The following UGT3A1 variants were observed in gnomAD, a reference collection of about 807,000 sequenced individuals.
UGT3A1 encodes the protein UDP glycosyltransferase family 3 member A1, also known as UDP-glycosyltransferase 3A1.
A neutral mutation model predicts 37.6 loss-of-function variants in UGT3A1; 40 were observed. That is an observed-to-expected ratio of 1.06 (90% confidence interval 0.83 to 1.38). The LOEUF is 1.38. Ranked by LOEUF, UGT3A1 falls within the 40% of genes most tolerant of loss-of-function variation. The pLI is 0.00. For synonymous variants in UGT3A1, 256 were observed against 232.3 expected, an observed-to-expected ratio of 1.10 and a Z score of -0.93; for missense variants, 642 against 634.2, an observed-to-expected ratio of 1.01 and a Z score of -0.13.
At chr5:35,970,028 C>A (rs1423585164) in intron 2 of UGT3A1, among the ~76,000 whole-genome samples, 1 of 152,104 alleles carries the variant, frequency 6.6e-6, no homozygotes, top group East Asian at 1.9e-4. Context: ...AGGAGCAAGT[C>A]ATGTCTTACA....
In UGT3A1 at chr5:35,980,586, C is replaced by G. The variant is rs140408432; in HGVS notation, c.196+7864G>C. On this transcript the variant is annotated intron_variant, in intron 2 of 6. Coordinates refer to ENST00000274278, the MANE Select transcript of UGT3A1 (RefSeq NM_152404.4). ...AGAAATAATCAAGTAGAATAATACC[C>G]AGACATCATACAAGGCCTCTCTCCA... Among the ~76,000 whole-genome samples, 823 of 152,286 alleles carry G rather than the reference C, an allele frequency of 5.4e-3. 11 individuals carry two copies. The highest frequency in any genetic ancestry group is 0.019 in the African/African-American group (783 of 41,554).
At chr5:35,983,098 TAA>T (rs1289762087) in intron 2 of UGT3A1, among the ~76,000 whole-genome samples, 1 of 151,910 alleles carries the variant, frequency 6.6e-6, no homozygotes, top group Non-Finnish European at 1.5e-5. Context: ...CTTTTCTTCA[TAA>T]ATTACGCAGT....
chr5:36,000,602 C>T (rs891526228), intron 1 of UGT3A1, among the ~76,000 whole-genome samples: 2 of 152,166 alleles, frequency 1.3e-5, no homozygotes, highest in African/African-American at 4.8e-5. Context: ...CTCCAGTTTA[C>T]TAAACATCAA....
chr5:35,999,451 A>T (rs142816593), intron 1 of UGT3A1, among the ~76,000 whole-genome samples: 20 of 152,304 alleles, frequency 1.3e-4, no homozygotes, highest in Non-Finnish European at 2.5e-4. Context: ...ACTTAAAAAC[A>T]TGTTGAAAGA....
upstream of UGT3A1, chr5:35,991,606 C>G (rs886412982): frequency 8.8e-6 from 9 of 1,022,354 alleles, no homozygotes; most frequent in Middle Eastern, 4.8e-4. Context: ...AATGAAGGCT[C>G]CATCCCCAAG....
At chr5:35,984,155 G>A (rs1369360880) in intron 2 of UGT3A1, among the ~76,000 whole-genome samples, 1 of 152,116 alleles carries the variant, frequency 6.6e-6, no homozygotes, top group Non-Finnish European at 1.5e-5. Context: ...AAAAAACCTA[G>A]AGACCCTAGC....
intron 2 of UGT3A1, 131 bp from the exon 3 acceptor site, chr5:35,968,264 G>C: frequency 3.3e-6 from 2 of 613,572 alleles, no homozygotes; most frequent in Middle Eastern, 9.0e-4. Context: ...ATGTTGATTT[G>C]GTTTTGTTTT....
chr5:35,970,252 C>T (rs184319843), intron 2 of UGT3A1, among the ~76,000 whole-genome samples: 5 of 152,142 alleles, frequency 3.3e-5, no homozygotes, highest in Admixed American at 2.0e-4. Flanking sequence ...ATTAGCCAGG[C>T]GTGGTGGCAC....
chr5:35,954,688 C>A, intron 6 of UGT3A1: 2 of 588,044 alleles, frequency 3.4e-6, no homozygotes, highest in Non-Finnish European at 6.0e-6. Context: ...ATACAAAGAC[C>A]AATGATTAAT....
At chr5:35,963,796 C>T (rs1739685165) in intron 4 of UGT3A1, among the ~76,000 whole-genome samples, 1 of 152,176 alleles carries the variant, frequency 6.6e-6, no homozygotes, top group Non-Finnish European at 1.5e-5. Context: ...GCTGTGGACA[C>T]AGCCAGGTAC....
intron 4 of UGT3A1, among the ~76,000 whole-genome samples, chr5:35,963,423 T>A (rs1000869644): frequency 2.0e-5 from 3 of 152,126 alleles, no homozygotes; most frequent in Admixed American, 6.5e-5. Flanking sequence ...GTTTAGATTG[T>A]CTCAAATGGG....
At chr5:35,978,160 G>C (rs903139499) in intron 2 of UGT3A1, among the ~76,000 whole-genome samples, 8 of 152,102 alleles carry the variant, frequency 5.3e-5, no homozygotes, top group African/African-American at 1.9e-4. Flanking sequence ...TCTGCCTCTT[G>C]AGTAGCTGGG....
intron 1 of UGT3A1, chr5:36,000,924 A>G (rs73076190): frequency 5.6e-4 from 86 of 152,310 alleles, no homozygotes; most frequent in African/African-American, 1.8e-3. Context: ...CTGTTTCTAT[A>G]ATGGGCTCAG....
At chr5:35,986,572 T>C (rs1740736071) in intron 2 of UGT3A1, among the ~76,000 whole-genome samples, 1 of 152,004 alleles carries the variant, frequency 6.6e-6, no homozygotes, top group South Asian at 2.1e-4. Context: ...AAGCCAAGCA[T>C]AGAAAGAAAA....
intron 2 of UGT3A1, among the ~76,000 whole-genome samples, chr5:35,974,920 A>G (rs1740201378): frequency 6.6e-6 from 1 of 152,214 alleles, no homozygotes; most frequent in Non-Finnish European, 1.5e-5. Flanking sequence ...CCTATGGCCA[A>G]TGGTTTGGCT....
rs1739205633 is a variant in UGT3A1, at chr5:35,951,826, T to A, written c.*2376A>T. 6.6e-6 allele frequency: 1 copy of A among 152,218 alleles called. No individual in the cohort carries two copies. The highest frequency in any genetic ancestry group is 2.4e-5 in the African/African-American group (1 of 41,446). 9.4% of individuals were successfully genotyped at this position (152,218 alleles called of 1,614,324 possible). A position where few individuals can be genotyped will look rare whatever the true frequency, so the allele number is the denominator to read the frequency against. On this transcript the variant is annotated 3_prime_UTR_variant, in exon 7 of 7. Transcript: ENST00000274278. ...AGACTCAGCATGGTATCATTTTTTG[T>A]ACCTAGATATCTGGTGTATAGGAAT... is the stretch of plus-strand genomic sequence containing the variant.
intron 2 of UGT3A1, among the ~76,000 whole-genome samples, chr5:35,977,993 T>C (rs1388459483): frequency 6.6e-6 from 1 of 152,232 alleles, no homozygotes; most frequent in Non-Finnish European, 1.5e-5. Context: ...TTCACAAGTA[T>C]ATACATATGT....
At chr5:35,959,062 G>A (rs1364243320) in intron 4 of UGT3A1, among the ~76,000 whole-genome samples, 1 of 152,182 alleles carries the variant, frequency 6.6e-6, no homozygotes, top group African/African-American at 2.4e-5. Flanking sequence ...GAGTCTGGGC[G>A]AGGTTCATTG....
chr5:35,993,299 C>A (rs931017621), upstream of UGT3A1, among the ~76,000 whole-genome samples: 1 of 151,988 alleles, frequency 6.6e-6, no homozygotes, highest in African/African-American at 2.4e-5. Context: ...TCCCGTCTCT[C>A]CTAAAAATAC....
Sources: allele counts gnomAD v4.1 joint callset (sites outside exome capture counted in the v4.1 genomes callset), GRCh38; gene constraint gnomAD v4.1.1; transcripts MANE v1.5; gene names NCBI Gene and HGNC (gene_info 2026-07-23, HGNC 2026-07-21).